The following CASK variants were observed in gnomAD, a reference collection of about 807,000 sequenced individuals.
The protein encoded by CASK is calcium/calmodulin dependent serine protein kinase, also known as peripheral plasma membrane protein CASK.
Under a neutral mutation model 82.9 loss-of-function variants are expected in CASK, and 4 were observed. The observed-to-expected ratio is 0.05, with a 90% CI of 0.02 to 0.11. The LOEUF (loss-of-function observed/expected upper bound fraction) is 0.11, where lower values mean the gene tolerates loss of function less well. Ranked by LOEUF, CASK falls within the 10% of genes least tolerant of loss-of-function variation. The pLI, the probability that CASK is intolerant of heterozygous loss-of-function variation, is 1.00. For synonymous variants in CASK, 259 were observed against 253.5 expected (o/e 1.02, Z -0.20); for missense variants, 358 against 720.9 (o/e 0.50, Z 5.76).
At chrX:41,884,214 T>G (rs1483812843) in intron 1 of CASK, among the ~76,000 whole-genome samples, 1 of 112,199 alleles carries the variant, frequency 8.9e-6, no homozygotes, top group Non-Finnish European at 1.9e-5. Flanking sequence ...TGTTAAATGC[T>G]ACGTTTCCTA....
At chrX:41,791,145 T>C (rs2069704418) in intron 2 of CASK, among the ~76,000 whole-genome samples, 1 of 110,767 alleles carries the variant, frequency 9.0e-6, no homozygotes, top group Non-Finnish European at 1.9e-5. Context: ...TTTTTTTTAA[T>C]GAGTACATTT....
intron 1 of CASK, among the ~76,000 whole-genome samples, chrX:41,913,883 A>T (rs1420613594): frequency 8.9e-6 from 1 of 112,160 alleles, no homozygotes; most frequent in East Asian, 2.8e-4. Context: ...GCTGCCTAAC[A>T]AGCCACAGAG....
intron 12 of CASK, among the ~76,000 whole-genome samples, chrX:41,590,817 C>T (rs1339321644): frequency 1.8e-5 from 2 of 109,937 alleles, no homozygotes; most frequent in African/African-American, 3.3e-5. Context: ...TACACCAATG[C>T]TAGTTGAGAA....
At position 41,578,472 on chromosome X, in the gene CASK, C is replaced by T; in HGVS notation, c.1371G>A (p.Leu457=). The change falls in exon 15 of 27, where the codon TTG becomes TTA. Residue 457 remains leucine (L), a synonymous_variant. Transcript: ENST00000378163. ...VAHEVYSDEA[L]RVTPPPTSPY... ...GAGAGGTGGGAGGAGGTGTGACCCT[C>T]AATGCTTCATCACTGTAAACTTCAT... The T allele has an allele frequency of 8.3e-7, 1 of 1,208,354 alleles. No individual in the cohort carries two copies. Among genetic ancestry groups the T allele is most frequent in the Non-Finnish European group, 1.1e-6 (1 of 892,451 alleles).
chrX:41,921,697 C>A (rs2072783777), intron 1 of CASK, among the ~76,000 whole-genome samples: 1 of 110,430 alleles, frequency 9.1e-6, no homozygotes, highest in Non-Finnish European at 1.9e-5. Flanking sequence ...CACAATTTCA[C>A]CATGTGAGGC....
At position 41,842,305 on chromosome X, in the gene CASK, C is replaced by T. The variant is rs149147501; in HGVS notation, c.172+10810G>A. ...GAAAATTCTGGGCCAGGCGCAGTGGCTCATGGCTATAATCTCAGCACCCTG... is the reference window on the plus strand; with the variant it reads ...GAAAATTCTGGGCCAGGCGCAGTGGTTCATGGCTATAATCTCAGCACCCTG... On this transcript the variant is annotated intron_variant, in intron 2 of 26. Transcript: ENST00000378163. Among the ~76,000 whole-genome samples, 687 of 111,379 alleles carry T rather than the reference C, an allele frequency of 6.2e-3. 3 individuals carry two copies. The highest frequency in any genetic ancestry group is 0.021 in the African/African-American group (652 of 30,648).
In CASK at chrX:41,564,508, C is replaced by T. The variant is rs751326562; in HGVS notation, c.1583-2864G>A. Among the ~76,000 whole-genome samples, 11 of 111,615 alleles carry T rather than the reference C, an allele frequency of 9.9e-5. No individual in the cohort carries two copies. In the South Asian group the frequency reaches 1.1e-3, roughly 11 times the overall value. The stretch of plus-strand genomic sequence containing the variant: ...CTGAGTAGCTGGGACTATAGGTGAG[C>T]GCCACCATGCCCGGCTAACTTTAGA... On this transcript the variant is annotated intron_variant, in intron 16 of 26. Coordinates refer to ENST00000378163, the MANE Select transcript of CASK (RefSeq NM_001367721.1).
intron 5 of CASK, among the ~76,000 whole-genome samples, chrX:41,686,403 C>CTT (rs779954075): frequency 5.3e-5 from 5 of 94,431 alleles, no homozygotes; most frequent in African/African-American, 1.1e-4. Context: ...TTCTTTCTTT[C>CTT]TTTTTTTTTT....
chrX:41,866,441 T>C (rs1175651105), intron 1 of CASK, among the ~76,000 whole-genome samples: 1 of 112,468 alleles, frequency 8.9e-6, no homozygotes, highest in Non-Finnish European at 1.9e-5. Context: ...AGTGAACTTA[T>C]ACTCATTGTC....
chrX:41,720,311 C>T (rs2068142524), intron 5 of CASK, among the ~76,000 whole-genome samples: 1 of 112,232 alleles, frequency 8.9e-6, no homozygotes, highest in African/African-American at 3.2e-5. Context: ...TGACTGGAAA[C>T]AAGGCTGTGG....
intron 8 of CASK, among the ~76,000 whole-genome samples, chrX:41,641,147 G>A (rs1036327437): frequency 5.5e-5 from 6 of 109,661 alleles, no homozygotes; most frequent in East Asian, 5.6e-4. Flanking sequence ...TATCACGCCC[G>A]GCTAATTTTT....
intron 18 of CASK, 154 bp downstream of exon 18, chrX:41,559,625 C>A (rs991988180): frequency 1.9e-6 from 1 of 530,514 alleles, no homozygotes. Flanking sequence ...TGGATGGGAC[C>A]TACTCTGTTC....
intron 3 of CASK, among the ~76,000 whole-genome samples, chrX:41,768,601 C>T (rs190550244): frequency 1.8e-5 from 2 of 110,979 alleles, no homozygotes; most frequent in Non-Finnish European, 3.8e-5. Context: ...AAAAAATCAA[C>T]AAGCAAAATA....
intron 11 of CASK, among the ~76,000 whole-genome samples, chrX:41,613,393 C>T (rs1212895697): frequency 3.6e-4 from 35 of 98,229 alleles, no homozygotes; most frequent in African/African-American, 8.2e-4. Flanking sequence ...GGATTAAGGG[C>T]GGTGCAAGAT....
At position 41,739,255 on chromosome X, in the gene CASK, A is replaced by G. The variant is rs182498208; in HGVS notation, c.429+129T>C. 2.4e-3 allele frequency: 1,171 copies of G among 487,644 alleles called. 4 individuals carry two copies. The highest frequency in any genetic ancestry group is 4.1e-3 in the Middle Eastern group (7 of 1,717). 40.2% of individuals were successfully genotyped at this position (487,644 alleles called of 1,213,427 possible). A position where few individuals can be genotyped will look rare whatever the true frequency, so the allele number is the denominator to read the frequency against. The stretch of plus-strand genomic sequence containing the variant: ...ATGACTTCCCAAATACAAAGCAGTT[A>G]AATACATTTTTACTTAGAAGTAAAA... On this transcript the variant is annotated intron_variant, in intron 5 of 26. Coordinates refer to ENST00000378163, the MANE Select transcript of CASK (RefSeq NM_001367721.1).
At position 41,879,266 on chromosome X, in the gene CASK, G is replaced by A. The variant is rs777878157; in HGVS notation, c.60-26039C>T. 5.4e-5 allele frequency among the ~76,000 whole-genome samples: 6 copies of A among 111,317 alleles called. No individual in the cohort carries two copies. In the South Asian group the frequency reaches 1.5e-3, roughly 28 times the overall value. On this transcript the variant is annotated intron_variant, in intron 1 of 26. Transcript: ENST00000378163. ...ACAGCAGTCCCCTACCCTTATCCAC[G>A]TGGGATACATGCCAAGACCCCCAGT...
chrX:41,876,445 A>T (rs1428501633), intron 1 of CASK, among the ~76,000 whole-genome samples: 1 of 111,461 alleles, frequency 9.0e-6, no homozygotes, highest in Non-Finnish European at 1.9e-5. Context: ...CTATTATCAG[A>T]CATATGCCAA....
chrX:41,639,145 C>T (rs2066607103), intron 8 of CASK, among the ~76,000 whole-genome samples: 1 of 105,255 alleles, frequency 9.5e-6, no homozygotes, highest in African/African-American at 3.5e-5. Flanking sequence ...GCAATCTCGG[C>T]TCACTGCAAC....
intron 11 of CASK, among the ~76,000 whole-genome samples, chrX:41,613,066 G>C (rs1236092927): frequency 9.1e-6 from 1 of 109,838 alleles, no homozygotes; most frequent in Non-Finnish European, 1.9e-5. Flanking sequence ...GGGCGCCTCT[G>C]CCCGGCCGCC....
Sources: gnomAD v4.1 joint callset for allele counts (sites outside exome capture counted in the v4.1 genomes callset) on GRCh38, gnomAD v4.1.1 for gene constraint, MANE v1.5 for transcripts, NCBI Gene and HGNC (gene_info 2026-07-23, HGNC 2026-07-21) for gene names.